Variants in KHDRBS2 observed in about 807,000 individuals in gnomAD.
The protein encoded by KHDRBS2 is KH domain-containing, RNA-binding, signal transduction-associated protein 2.
Under a neutral mutation model 44.3 loss-of-function variants are expected in KHDRBS2, and 26 were observed. The ratio of observed to expected loss-of-function variants is 0.59; its 90% CI spans 0.43 to 0.81. The LOEUF (loss-of-function observed/expected upper bound fraction) is 0.81, where lower values mean the gene tolerates loss of function less well. Ranked by LOEUF, KHDRBS2 falls within the 40% of genes least tolerant of loss-of-function variation. The pLI is 0.00. For synonymous variants in KHDRBS2, 194 were observed against 151.1 expected, an observed-to-expected ratio of 1.28 and a Z score of -2.08; for missense variants, 476 against 433.1, an observed-to-expected ratio of 1.10 and a Z score of -0.88.
intron 2 of KHDRBS2, among the ~76,000 whole-genome samples, chr6:62,167,239 G>C (rs1818887527): frequency 6.6e-6 from 1 of 152,034 alleles, no homozygotes; most frequent in Non-Finnish European, 1.5e-5. Context: ...AAGAAGGAGA[G>C]ACTGGTATGA....
At chr6:62,052,648 G>A (rs1190502130) in intron 2 of KHDRBS2, among the ~76,000 whole-genome samples, 2 of 148,552 alleles carry the variant, frequency 1.3e-5, no homozygotes, top group African/African-American at 5.0e-5. Flanking sequence ...GGAGGGTGGG[G>A]GTGTTTTGAA....
chr6:61,559,441 C>T, the KHDRBS2 span, among the ~76,000 whole-genome samples: 1 of 150,872 alleles, frequency 6.6e-6, no homozygotes, highest in Non-Finnish European at 1.5e-5. Flanking sequence ...TAAGGTAGGA[C>T]CTACACCTAC....
chr6:62,055,668 T>C (rs998098517), intron 2 of KHDRBS2, among the ~76,000 whole-genome samples: 1 of 152,050 alleles, frequency 6.6e-6, no homozygotes, highest in African/African-American at 2.4e-5. Context: ...AATTCAAGAA[T>C]AGTGTGTTGT....
At chr6:62,193,504 T>C (rs1311307155) in intron 1 of KHDRBS2, among the ~76,000 whole-genome samples, 2 of 152,126 alleles carry the variant, frequency 1.3e-5, no homozygotes, top group African/African-American at 4.8e-5. Context: ...ATTTAAGGGC[T>C]TGATATTTGT....
At chr6:61,674,491 G>T in the KHDRBS2 span, among the ~76,000 whole-genome samples, 1 of 151,600 alleles carries the variant, frequency 6.6e-6, no homozygotes, top group Non-Finnish European at 1.5e-5. Flanking sequence ...TACTTCATTT[G>T]CATTCTTGTT....
intron 2 of KHDRBS2, among the ~76,000 whole-genome samples, chr6:62,100,716 A>AT (rs1801673758): frequency 1.3e-5 from 2 of 152,182 alleles, no homozygotes; most frequent in South Asian, 2.1e-4. Context: ...ACATATGTAC[A>AT]TTTTTTAGAA....
chr6:61,742,424 G>C (rs1776269499), intron 6 of KHDRBS2, among the ~76,000 whole-genome samples: 3 of 151,742 alleles, frequency 2.0e-5, no homozygotes, highest in Non-Finnish European at 2.9e-5. Context: ...TATTTCTTTA[G>C]GATATAAATT....
At chr6:61,997,462 T>C (rs1777419402) in intron 3 of KHDRBS2, among the ~76,000 whole-genome samples, 1 of 152,172 alleles carries the variant, frequency 6.6e-6, no homozygotes, top group Non-Finnish European at 1.5e-5. Context: ...TTGAAATAAC[T>C]AAATGCAACC....
chr6:61,790,917 A>G (rs1784542943), intron 6 of KHDRBS2, among the ~76,000 whole-genome samples: 1 of 151,568 alleles, frequency 6.6e-6, no homozygotes, highest in Non-Finnish European at 1.5e-5. Flanking sequence ...TAGAAAAGAT[A>G]GGTTATGATT....
At chr6:62,251,165 A>G (rs1188561463) in intron 1 of KHDRBS2, among the ~76,000 whole-genome samples, 1 of 151,848 alleles carries the variant, frequency 6.6e-6, no homozygotes, top group East Asian at 1.9e-4. Context: ...GAATATCTTG[A>G]ATATTCTTGA....
intron 2 of KHDRBS2, among the ~76,000 whole-genome samples, chr6:62,068,133 G>A (rs111455027): frequency 6.6e-6 from 1 of 151,428 alleles, no homozygotes; most frequent in Non-Finnish European, 1.5e-5. Flanking sequence ...CAAAGTGGCT[G>A]CAAGATTTAA....
At chr6:61,613,007 A>C in the KHDRBS2 span, among the ~76,000 whole-genome samples, 2 of 151,650 alleles carry the variant, frequency 1.3e-5, no homozygotes, top group South Asian at 2.1e-4. Context: ...TGCCCGCCAC[A>C]ACTCCCGGCT....
At chr6:61,785,235 C>T (rs1783618316) in intron 6 of KHDRBS2, among the ~76,000 whole-genome samples, 1 of 151,692 alleles carries the variant, frequency 6.6e-6, no homozygotes, top group South Asian at 2.1e-4. Context: ...AAACATGCTA[C>T]TCAGAATCTA....
intron 2 of KHDRBS2, among the ~76,000 whole-genome samples, chr6:62,060,805 T>A (rs918328173): frequency 4.6e-5 from 7 of 151,836 alleles, no homozygotes; most frequent in Non-Finnish European, 7.4e-5. Context: ...TATAATTCAT[T>A]TATACTAAGT....
chr6:62,071,141 T>C (rs184893964), intron 2 of KHDRBS2, among the ~76,000 whole-genome samples: 5 of 152,332 alleles, frequency 3.3e-5, no homozygotes, highest in Admixed American at 3.3e-4. Flanking sequence ...ATGTCTTCTT[T>C]TGAGAAGTTT....
chr6:61,636,072 G>T, the KHDRBS2 span, among the ~76,000 whole-genome samples: 7 of 151,964 alleles, frequency 4.6e-5, no homozygotes, highest in South Asian at 2.1e-4. Flanking sequence ...ACAATATTCC[G>T]TAGTTTCTTT....
chr6:61,915,067 C>G lies in KHDRBS2; in HGVS notation c.484-13696G>C, dbSNP rs115213514. On this transcript the variant is annotated intron_variant, in intron 4 of 8. Coordinates refer to ENST00000281156, the MANE Select transcript of KHDRBS2 (RefSeq NM_152688.4). ...TCCTAAGCATTATGTCAGGAGTGGA[C>G]AGTAGAAGGGTGTGTAGATGGAAGC... Among the ~76,000 whole-genome samples the G allele has an allele frequency of 1.0e-3, 153 of 152,146 alleles. 2 individuals are homozygous for G. Among genetic ancestry groups the G allele is most frequent in the African/African-American group, 3.4e-3 (140 of 41,518 alleles).
chr6:62,201,642 T>C (rs1316464139), intron 1 of KHDRBS2, among the ~76,000 whole-genome samples: 1 of 152,080 alleles, frequency 6.6e-6, no homozygotes, highest in African/African-American at 2.4e-5. Flanking sequence ...AGTTTCACTT[T>C]CGCTTTGGAA....
At chr6:61,581,558 A>T in the KHDRBS2 span, among the ~76,000 whole-genome samples, 1 of 142,762 alleles carries the variant, frequency 7.0e-6, no homozygotes, top group African/African-American at 2.6e-5. Flanking sequence ...TACAATACAC[A>T]ATATACAACA....
Sources: allele counts gnomAD v4.1 joint callset (sites outside exome capture counted in the v4.1 genomes callset), GRCh38; gene constraint gnomAD v4.1.1; transcripts MANE v1.5; gene names NCBI Gene and HGNC (gene_info 2026-07-23, HGNC 2026-07-21).